The following AKR1B1 variants were observed in gnomAD, a reference collection of about 807,000 sequenced individuals.
AKR1B1 encodes aldo-keto reductase family 1 member B.
In AKR1B1, 22 loss-of-function variants were observed where a neutral mutation model predicts 40.4. That is an observed-to-expected ratio of 0.54 (90% CI 0.39 to 0.78). AKR1B1 has a LOEUF of 0.78. AKR1B1 is among the 30% of genes least tolerant of loss of function. AKR1B1 has a pLI of 0.00. For missense variants in AKR1B1, 357 were observed against 396.7 expected (o/e 0.90, Z 0.85); for synonymous variants, 157 against 149.9 (o/e 1.05, Z -0.35).
At chr7:134,457,834 G>T (rs1324880282) in intron 1 of AKR1B1, among the ~76,000 whole-genome samples, 2 of 152,042 alleles carry the variant, frequency 1.3e-5, no homozygotes, top group Non-Finnish European at 2.9e-5. Flanking sequence ...GACTGTCTCT[G>T]CGGGGAAGAA....
At chr7:134,456,649 G>A (rs1052014724) in intron 1 of AKR1B1, among the ~76,000 whole-genome samples, 1 of 152,088 alleles carries the variant, frequency 6.6e-6, no homozygotes, top group African/African-American at 2.4e-5. Flanking sequence ...ACAAGTGGGC[G>A]TTTTCACCAT....
At chr7:134,455,372 G>T (rs184170118) in intron 1 of AKR1B1, among the ~76,000 whole-genome samples, 20 of 152,258 alleles carry the variant, frequency 1.3e-4, no homozygotes, top group African/African-American at 4.6e-4. Flanking sequence ...GGGAGGTAGT[G>T]ATCATGGCAA....
chr7:134,447,735 T>G, intron 7 of AKR1B1: 1 of 624,776 alleles, frequency 1.6e-6, no homozygotes, highest in Non-Finnish European at 2.9e-6. Flanking sequence ...TCCACATGAA[T>G]GAACAAGCGC....
intron 1 of AKR1B1, among the ~76,000 whole-genome samples, chr7:134,458,180 A>C (rs1232508082): frequency 2.6e-5 from 4 of 151,458 alleles, no homozygotes; most frequent in African/African-American, 7.3e-5. Flanking sequence ...ATATCATATT[A>C]TCATTTTTCA....
chr7:134,458,991 A>G lies in AKR1B1; in HGVS notation c.66+6T>C. The G allele has an allele frequency of 6.2e-7, 1 of 1,606,432 alleles. No individual in the cohort carries two copies. The highest frequency in any genetic ancestry group is 1.1e-5 in the South Asian group (1 of 89,206). ...GCCCCGGGCCCGCGCCCCCACGAGC[A>G]CCTACCTTCCAGGTACCCAACCCCA... On this transcript the variant is annotated splice_donor_region_variant and intron_variant, in intron 1 of 9. Transcript: ENST00000285930.
rs1159780745 is a variant in AKR1B1 at position 134,458,982 on chromosome 7, C to T, written c.66+15G>A. 6.2e-7 allele frequency: 1 copy of T among 1,603,694 alleles called. No individual in the cohort carries two copies. Among genetic ancestry groups the T allele is most frequent in the Non-Finnish European group, 8.5e-7 (1 of 1,175,904 alleles). On this transcript the variant is annotated intron_variant, in intron 1 of 9. Transcript: ENST00000285930. ...GTGAGGCGAGCCCCGGGCCCGCGCC[C>T]CCACGAGCACCTACCTTCCAGGTAC...
chr7:134,446,588 C>T (rs1477530200), intron 8 of AKR1B1, among the ~76,000 whole-genome samples: 1 of 152,188 alleles, frequency 6.6e-6, no homozygotes, highest in African/African-American at 2.4e-5. Flanking sequence ...CGTGCCCCCC[C>T]CCTCCCCCAC....
At chr7:134,447,255 C>G (rs372620896) in intron 8 of AKR1B1, 43 bp downstream of exon 8, 3 of 1,510,214 alleles carry the variant, frequency 2.0e-6, no homozygotes, top group Non-Finnish European at 1.8e-6. Flanking sequence ...CCCCATCCCC[C>G]ACTCCATGGA....
In AKR1B1 at chr7:134,445,245, A is replaced by G. The variant is rs753916319; in HGVS notation, c.901T>C (p.Leu301=). ...ACACTGGGGCTCACTCACCTCAACA[A>G]GGCACAGACCCTCCAGTTCCTGTTG... ...SYNRNWRVCA[L]LSCTSHKDYP... Residue 301 remains leucine, a synonymous_variant, in exon 9 of 10, where the codon TTG becomes CTG. Coordinates refer to ENST00000285930, the MANE Select transcript of AKR1B1 (RefSeq NM_001628.4). The G allele has an allele frequency of 1.2e-6, 2 of 1,611,452 alleles. No individual in the cohort carries two copies. The highest frequency in any genetic ancestry group is 1.7e-6 in the Non-Finnish European group (2 of 1,179,482).
chr7:134,446,644 G>A (rs1398773313), intron 8 of AKR1B1, among the ~76,000 whole-genome samples: 1 of 150,774 alleles, frequency 6.6e-6, no homozygotes, highest in African/African-American at 2.4e-5. Context: ...GGGAGGTGGC[G>A]CCAAGTAGCC....
chr7:134,458,940 C>G, intron 1 of AKR1B1, 57 bp downstream of exon 1: 1 of 1,556,764 alleles, frequency 6.4e-7, no homozygotes, highest in Non-Finnish European at 8.7e-7. Context: ...CTCGCCAATA[C>G]AGGCCGCGCG....
chr7:134,455,730 C>G (rs1372516482), intron 1 of AKR1B1, among the ~76,000 whole-genome samples: 4 of 150,384 alleles, frequency 2.7e-5, no homozygotes, highest in African/African-American at 1.0e-4. Flanking sequence ...ATTACAGGCA[C>G]CCACCACCAT....
In AKR1B1 at chr7:134,448,050, T is replaced by C. The variant is rs757886145; in HGVS notation, c.671A>G (p.Glu224Gly). The C allele has an allele frequency of 1.2e-5, 20 of 1,612,360 alleles. No individual in the cohort carries two copies. The highest frequency in any genetic ancestry group is 1.7e-5 in the Admixed American group (1 of 59,866). ...GSPDRPWAKP[E>G]DPSLLEDPRI... Reference sequence around the variant, plus strand: ...GGGATCCTCCAGGAGAGAAGGGTCCTCGGGCTTGGCCCTGAGGATAGAAAG... The same window carrying C: ...GGGATCCTCCAGGAGAGAAGGGTCCCCGGGCTTGGCCCTGAGGATAGAAAG... The change falls in exon 7 of 10, where the codon GAG becomes GGG. Residue 224 changes from glutamate to glycine, a missense_variant. Physicochemically the swap from Glu to Gly is moderately conservative, Grantham distance 98 (BLOSUM62 -2). Transcript: ENST00000285930.
chr7:134,447,601 TCA>T (rs1422596820), intron 7 of AKR1B1: 2 of 646,828 alleles, frequency 3.1e-6, no homozygotes, highest in Non-Finnish European at 2.8e-6. Flanking sequence ...GCCACACGCT[TCA>T]GTGTCTCAGG....
intron 9 of AKR1B1, 44 bp downstream of exon 9, chr7:134,445,194 T>C (rs202193616): frequency 3.9e-6 from 6 of 1,536,610 alleles, no homozygotes; most frequent in Non-Finnish European, 5.4e-6. Flanking sequence ...GTGCAGCATC[T>C]GAATATCTCC....
intron 3 of AKR1B1, 131 bp downstream of exon 3, chr7:134,450,655 T>C (rs1387775013): frequency 1.3e-6 from 1 of 779,778 alleles, no homozygotes; most frequent in Admixed American, 1.7e-5. Flanking sequence ...CCAGTGCTGA[T>C]GGTCCACTGG....
At position 134,451,447 on chromosome 7, in the gene AKR1B1, C is replaced by T. The variant is rs1163960625; in HGVS notation, c.234+139G>A. 2.3e-5 allele frequency: 25 copies of T among 1,068,048 alleles called. No individual in the cohort carries two copies. The East Asian group carries it at 3.2e-4, about 14-fold the overall frequency. 66.2% of individuals were successfully genotyped at this position (1,068,048 alleles called of 1,614,324 possible). On this transcript the variant is annotated intron_variant, in intron 2 of 9. Coordinates refer to ENST00000285930, the MANE Select transcript of AKR1B1 (RefSeq NM_001628.4). ...GGCGAGCTCTGGAGCCCTGTATGGC[C>T]GTGGGTGATACGTTTCCCCGGGAAG...
At chr7:134,456,781 CATT>C (rs10588800) in intron 1 of AKR1B1, among the ~76,000 whole-genome samples, 21,832 of 152,064 alleles carry the variant, frequency 0.14, 3,486 homozygotes, top group African/African-American at 0.4. Context: ...ATGAAGCAGA[CATT>C]ATCCAATTTC....
rs761065461 is a variant in AKR1B1, at chr7:134,450,836, T to C, written c.301A>G (p.Lys101Glu). 6.2e-7 allele frequency: 1 copy of C among 1,614,184 alleles called. No homozygotes were observed. Among genetic ancestry groups the C allele is most frequent in the African/African-American group, 1.3e-5 (1 of 75,046 alleles). ...AGGTAGAGGTCCAGGTAGTCCAGCT[T>C]CAGGTCGCTGAGTGTCTTCTGGCAG... Reference protein sequence around the residue: ...GACQKTLSDLKLDYLDLYLIH... With the variant: ...GACQKTLSDLELDYLDLYLIH... The change falls in exon 3 of 10, where the codon AAG (lysine) becomes GAG (glutamate). Residue 101 changes from lysine (K) to glutamate (E), a missense_variant. Transcript: ENST00000285930.
Sources: gnomAD v4.1 joint callset for allele counts (sites outside exome capture counted in the v4.1 genomes callset) on GRCh38, gnomAD v4.1.1 for gene constraint, MANE v1.5 for transcripts, NCBI Gene and HGNC (gene_info 2026-07-23, HGNC 2026-07-21) for gene names.